The following CDC73 variants were observed in gnomAD, a reference collection of about 807,000 sequenced individuals.
CDC73 encodes cell division cycle 73, also known as parafibromin.
A neutral mutation model predicts 83.7 loss-of-function variants in CDC73; 21 were observed. The observed-to-expected ratio is 0.25, with a 90% confidence interval of 0.18 to 0.36. The LOEUF is 0.36. Ranked by LOEUF, CDC73 falls within the 10% of genes least tolerant of loss-of-function variation. The pLI is 1.00. For missense variants in CDC73, 342 were observed against 653.3 expected (o/e 0.52, Z 5.19); for synonymous variants, 224 against 212.9 (o/e 1.05, Z -0.45).
Position 193,207,838 on chromosome 1 carries a change from T to G in CDC73, c.1030+3986T>G, listed in dbSNP as rs763776363. On this transcript the variant is annotated intron_variant, in intron 11 of 16. Coordinates refer to ENST00000367435, the MANE Select transcript of CDC73 (RefSeq NM_024529.5). ...TTACGAAGATAATGGGATTAAGAGA[T>G]TAAAGTAAAGACAGGCATAAGAAAT... Among the ~76,000 whole-genome samples, 6 of 152,196 alleles carry G rather than the reference T, an allele frequency of 3.9e-5. No homozygotes were observed. In the South Asian group the frequency reaches 1.0e-3, roughly 26 times the overall value.
chr1:193,130,336 T>G, intron 3 of CDC73, 93 bp downstream of exon 3: 3 of 872,052 alleles, frequency 3.4e-6, no homozygotes, highest in Non-Finnish European at 5.8e-6. Context: ...AATTTGTATT[T>G]CCACCAAAAA....
At chr1:193,220,719 A>G (rs185541532) in intron 13 of CDC73, among the ~76,000 whole-genome samples, 119 of 152,274 alleles carry the variant, frequency 7.8e-4, no homozygotes, top group African/African-American at 2.7e-3. Context: ...TTTTTCATTA[A>G]TAGTGTGGCT....
intron 10 of CDC73, among the ~76,000 whole-genome samples, chr1:193,162,540 T>G (rs1476773161): frequency 1.3e-5 from 2 of 151,300 alleles, no homozygotes; most frequent in African/African-American, 2.4e-5. Flanking sequence ...GGCCTGGCAA[T>G]TTTTTGTATT....
intron 10 of CDC73, among the ~76,000 whole-genome samples, chr1:193,154,258 G>C (rs915323298): frequency 6.6e-6 from 1 of 152,092 alleles, no homozygotes; most frequent in Admixed American, 6.6e-5. Flanking sequence ...TGTGATTGTT[G>C]TTTTTACTTT....
chr1:193,204,245 A>ATGTGTG (rs1677144380), intron 11 of CDC73, among the ~76,000 whole-genome samples: 3 of 135,516 alleles, frequency 2.2e-5, no homozygotes, highest in Admixed American at 7.4e-5. Flanking sequence ...ACACGTATAT[A>ATGTGTG]TATGTGTATG....
At chr1:193,243,662 G>A (rs148390645) in intron 15 of CDC73, among the ~76,000 whole-genome samples, 1,861 of 152,232 alleles carry the variant, frequency 0.012, 19 homozygotes, top group South Asian at 0.034. Flanking sequence ...CTGAATGCAT[G>A]AGTTTTAAAT....
At chr1:193,198,700 A>C (rs1370693626) in intron 10 of CDC73, among the ~76,000 whole-genome samples, 1 of 152,252 alleles carries the variant, frequency 6.6e-6, no homozygotes, top group Non-Finnish European at 1.5e-5. Flanking sequence ...AGAGAGAATG[A>C]GGAAAGAGAG....
At chr1:193,211,823 C>T (rs550792432) in intron 11 of CDC73, among the ~76,000 whole-genome samples, 1 of 152,334 alleles carries the variant, frequency 6.6e-6, no homozygotes, top group Non-Finnish European at 1.5e-5. Context: ...TTAACTGAAA[C>T]TGCAGAAAAC....
intron 10 of CDC73, chr1:193,180,474 C>T (rs757990774): frequency 1.2e-6 from 2 of 1,613,886 alleles, no homozygotes; most frequent in Non-Finnish European, 1.7e-6. Context: ...AGTGATTGAA[C>T]ACAAACTCAT....
At chr1:193,188,814 C>A (rs555378676) in intron 10 of CDC73, among the ~76,000 whole-genome samples, 1 of 152,142 alleles carries the variant, frequency 6.6e-6, no homozygotes, top group South Asian at 2.1e-4. Context: ...GACCCCCCCG[C>A]CCCGAACTGC....
At chr1:193,230,294 G>A (rs2102055534) in intron 13 of CDC73, among the ~76,000 whole-genome samples, 1 of 151,296 alleles carries the variant, frequency 6.6e-6, no homozygotes. Flanking sequence ...GATTACAAGC[G>A]CACGCCACCA....
chr1:193,215,033 CTGCTGAGAAATGTGTTTAGCACTT>C (rs1474647198), intron 13 of CDC73, among the ~76,000 whole-genome samples: 1 of 152,196 alleles, frequency 6.6e-6, no homozygotes, highest in East Asian at 1.9e-4. Flanking sequence ...CTAGTTGCAG[CTGCTGAGAAATGTGTTTAGCACTT>C]GGTGTAAAAC....
At chr1:193,181,041 C>T in intron 10 of CDC73, 1 of 1,613,846 alleles carries the variant, frequency 6.2e-7, no homozygotes, top group Non-Finnish European at 8.5e-7. Context: ...TTTCATTGCC[C>T]CAAGTTTGCC....
At chr1:193,236,397 G>C (rs375598050) in intron 15 of CDC73, 41 bp downstream of exon 15, 2 of 1,234,126 alleles carry the variant, frequency 1.6e-6, no homozygotes, top group Non-Finnish European at 2.4e-6. Context: ...GTATAGAAAT[G>C]TTCTCACTTT....
chr1:193,171,076 A>G (rs1330057143), intron 10 of CDC73, among the ~76,000 whole-genome samples: 1 of 152,184 alleles, frequency 6.6e-6, no homozygotes, highest in Non-Finnish European at 1.5e-5. Context: ...TGGCAAGCAA[A>G]TTGCTTTAGG....
At chr1:193,238,556 C>T (rs900923992) in intron 15 of CDC73, among the ~76,000 whole-genome samples, 8 of 152,094 alleles carry the variant, frequency 5.3e-5, no homozygotes, top group African/African-American at 1.9e-4. Flanking sequence ...GCTACTTTTC[C>T]TCTGGTTATC....
intron 10 of CDC73, among the ~76,000 whole-genome samples, chr1:193,169,680 A>G (rs1308381451): frequency 6.6e-6 from 1 of 152,200 alleles, no homozygotes; most frequent in Non-Finnish European, 1.5e-5. Flanking sequence ...TTAATGATGA[A>G]TTTGGATTTT....
rs138574784 is a variant in CDC73 at position 193,214,748 on chromosome 1, G to A, written c.1154+2271G>A. Among the ~76,000 whole-genome samples the A allele has an allele frequency of 7.2e-4, 109 of 152,238 alleles. 1 individual carries two copies. The highest frequency in any genetic ancestry group is 4.8e-4 in the African/African-American group (20 of 41,532). ...AAGAAAAAAATAGATTATTTTATAA[G>A]CTATTTGGCCACTTAGATTGTTTGC... is the stretch of plus-strand genomic sequence containing the variant. On this transcript the variant is annotated intron_variant, in intron 13 of 16. Coordinates refer to ENST00000367435, the MANE Select transcript of CDC73 (RefSeq NM_024529.5).
chr1:193,123,884 C>A (rs1328194644), intron 1 of CDC73, among the ~76,000 whole-genome samples: 1 of 152,108 alleles, frequency 6.6e-6, no homozygotes, highest in Non-Finnish European at 1.5e-5. Context: ...GCAGTCACTT[C>A]TAGTTGGGGT....
Sources: gnomAD v4.1 joint callset for allele counts (sites outside exome capture counted in the v4.1 genomes callset) on GRCh38, gnomAD v4.1.1 for gene constraint, MANE v1.5 for transcripts, NCBI Gene and HGNC (gene_info 2026-07-23, HGNC 2026-07-21) for gene names.